The following CTNNA3 variants were observed in gnomAD, a reference collection of about 807,000 sequenced individuals.
CTNNA3 encodes catenin alpha-3.
Under a neutral mutation model 95.7 loss-of-function variants are expected in CTNNA3, and 76 were observed. That is an observed-to-expected ratio of 0.79 (90% CI 0.66 to 0.96). The LOEUF (loss-of-function observed/expected upper bound fraction) is 0.96. CTNNA3 is among the 40% of genes least tolerant of loss of function. CTNNA3 has a pLI of 0.00. For missense variants in CTNNA3, 1,191 were observed against 1,089.8 expected, an observed-to-expected ratio of 1.09 and a Z score of -1.31; for synonymous variants, 431 against 374.4, an observed-to-expected ratio of 1.15 and a Z score of -1.74.
intron 7 of CTNNA3, among the ~76,000 whole-genome samples, chr10:66,903,632 T>A (rs1179572580): frequency 6.6e-6 from 1 of 152,114 alleles, no homozygotes; most frequent in South Asian, 2.1e-4. Flanking sequence ...GAAAACCCCC[T>A]TGTCTCAGCC....
chr10:66,612,741 C>G (rs1844370745), intron 10 of CTNNA3, among the ~76,000 whole-genome samples: 1 of 151,998 alleles, frequency 6.6e-6, no homozygotes, highest in African/African-American at 2.4e-5. Flanking sequence ...TTACTTTTTT[C>G]AATTTCTATT....
chr10:67,019,612 G>C (rs140550932), intron 7 of CTNNA3, among the ~76,000 whole-genome samples: 1 of 152,312 alleles, frequency 6.6e-6, no homozygotes, highest in Non-Finnish European at 1.5e-5. Context: ...CAAAGAGGTT[G>C]AGTAATTTGT....
At chr10:67,280,117 G>A (rs1443322026) in intron 5 of CTNNA3, among the ~76,000 whole-genome samples, 5 of 150,280 alleles carry the variant, frequency 3.3e-5, no homozygotes, top group African/African-American at 1.2e-4. Context: ...GGCCTCATAA[G>A]CAGCCCCAGA....
intron 5 of CTNNA3, among the ~76,000 whole-genome samples, chr10:67,291,900 G>C (rs1389482755): frequency 1.3e-5 from 2 of 152,194 alleles, no homozygotes; most frequent in Non-Finnish European, 2.9e-5. Context: ...TATTTAATGT[G>C]TACATGAGAG....
intron 12 of CTNNA3, among the ~76,000 whole-genome samples, chr10:66,333,735 T>G (rs912414656): frequency 6.6e-6 from 1 of 151,558 alleles, no homozygotes; most frequent in African/African-American, 2.4e-5. Flanking sequence ...TCTGTAGATG[T>G]CTATTAGGTC....
intron 1 of CTNNA3, among the ~76,000 whole-genome samples, chr10:67,667,794 C>T (rs540800407): frequency 3.3e-5 from 5 of 152,058 alleles, no homozygotes; most frequent in Admixed American, 2.6e-4. Flanking sequence ...AAATAGGATA[C>T]CTCTTAATTA....
chr10:66,500,105 G>T (rs1045198098), intron 11 of CTNNA3, among the ~76,000 whole-genome samples: 5 of 151,686 alleles, frequency 3.3e-5, no homozygotes, highest in Non-Finnish European at 7.4e-5. Flanking sequence ...CCGGCCAATA[G>T]TTGCATTTCT....
At chr10:66,024,569 A>G (rs957989460) in intron 15 of CTNNA3, among the ~76,000 whole-genome samples, 39 of 152,340 alleles carry the variant, frequency 2.6e-4, no homozygotes, top group African/African-American at 8.9e-4. Flanking sequence ...ACATATTGAC[A>G]TACACTTTCA....
chr10:67,408,022 T>A (rs1037091249), intron 5 of CTNNA3, among the ~76,000 whole-genome samples: 1 of 152,044 alleles, frequency 6.6e-6, no homozygotes, highest in Non-Finnish European at 1.5e-5. Flanking sequence ...TACCTAGGAA[T>A]AGAGCTAACA....
intron 11 of CTNNA3, among the ~76,000 whole-genome samples, chr10:66,398,782 G>A (rs533221727): frequency 6.6e-6 from 1 of 151,942 alleles, no homozygotes; most frequent in Admixed American, 6.6e-5. Context: ...AAAGAGTGCA[G>A]TTAGCCTACA....
intron 10 of CTNNA3, among the ~76,000 whole-genome samples, chr10:66,547,524 A>T (rs960506934): frequency 1.3e-5 from 2 of 150,622 alleles, no homozygotes; most frequent in African/African-American, 4.9e-5. Context: ...TTGTATTTTT[A>T]GTAGAGACGG....
chr10:66,882,776 T>G (rs866432650), intron 7 of CTNNA3, among the ~76,000 whole-genome samples: 2 of 152,114 alleles, frequency 1.3e-5, no homozygotes, highest in Non-Finnish European at 2.9e-5. Context: ...GTGAAATAAT[T>G]TATCAAGGGG....
Position 66,995,211 on chromosome 10 carries a change from G to A in CTNNA3, c.1047+185106C>T, listed in dbSNP as rs77762469. 1.1e-4 allele frequency among the ~76,000 whole-genome samples: 17 copies of A among 152,128 alleles called. No individual in the cohort carries two copies. The East Asian group carries it at 1.9e-3, about 17-fold the overall frequency. On this transcript the variant is annotated intron_variant, in intron 7 of 17. Transcript: ENST00000433211. ...CTCCTCCTTTTGTATTTCTCTCTCCGTGAATAGAACCACCATCCACCCAGG... is the reference window on the plus strand; with the variant it reads ...CTCCTCCTTTTGTATTTCTCTCTCCATGAATAGAACCACCATCCACCCAGG...
chr10:67,305,090 C>G (rs1840485446), intron 5 of CTNNA3, among the ~76,000 whole-genome samples: 2 of 152,072 alleles, frequency 1.3e-5, no homozygotes. Context: ...TCCTTGCTAA[C>G]ACAGTGAAAC....
chr10:67,199,344 G>GTT (rs57972349), intron 6 of CTNNA3, among the ~76,000 whole-genome samples: 1 of 151,554 alleles, frequency 6.6e-6, no homozygotes, highest in African/African-American at 2.4e-5. Context: ...ATGGCTACAA[G>GTT]TTTTTTTTGT....
chr10:67,506,882 C>T (rs2133117991), intron 5 of CTNNA3, among the ~76,000 whole-genome samples: 1 of 152,216 alleles, frequency 6.6e-6, no homozygotes, highest in Non-Finnish European at 1.5e-5. Flanking sequence ...GAGTCAATAC[C>T]AGACAGTCCC....
intron 7 of CTNNA3, among the ~76,000 whole-genome samples, chr10:66,909,628 C>T (rs1313917498): frequency 6.6e-6 from 1 of 152,036 alleles, no homozygotes; most frequent in Admixed American, 6.6e-5. Flanking sequence ...AATAAGAGAG[C>T]AATAAAAATC....
intron 13 of CTNNA3, among the ~76,000 whole-genome samples, chr10:66,166,321 G>C (rs1465570870): frequency 6.6e-6 from 1 of 151,240 alleles, no homozygotes; most frequent in East Asian, 2.0e-4. Flanking sequence ...TGGTGAAACC[G>C]GTGTCTACTA....
At chr10:67,442,439 A>C (rs1455929646) in intron 5 of CTNNA3, among the ~76,000 whole-genome samples, 5 of 152,270 alleles carry the variant, frequency 3.3e-5, no homozygotes, top group African/African-American at 9.6e-5. Flanking sequence ...AAAAAGAGAG[A>C]GACCCAATGA....
Sources: gnomAD v4.1 joint callset for allele counts (sites outside exome capture counted in the v4.1 genomes callset) on GRCh38, gnomAD v4.1.1 for gene constraint, MANE v1.5 for transcripts, NCBI Gene and HGNC (gene_info 2026-07-23, HGNC 2026-07-21) for gene names.